Variants in PTPRJ observed in about 807,000 individuals in gnomAD.
PTPRJ encodes protein tyrosine phosphatase receptor type J.
Under a neutral mutation model 141.3 loss-of-function variants are expected in PTPRJ, and 129 were observed. The observed-to-expected ratio is 0.91, with a 90% CI of 0.79 to 1.06. PTPRJ has a LOEUF of 1.06. Among genes scored for constraint, PTPRJ ranks in the 50% least tolerant of loss-of-function variants. The probability of loss-of-function intolerance (pLI) is 0.00; values close to 1 mark genes in which losing one functional copy is unlikely to be tolerated. For synonymous variants in PTPRJ, 610 were observed against 640.5 expected, an observed-to-expected ratio of 0.95 and a Z score of 0.72; for missense variants, 1,601 against 1,679.7, an observed-to-expected ratio of 0.95 and a Z score of 0.82.
chr11:48,102,362 G>A (rs1856170185), intron 1 of PTPRJ, among the ~76,000 whole-genome samples: 1 of 152,156 alleles, frequency 6.6e-6, no homozygotes, highest in African/African-American at 2.4e-5. Context: ...GAGAAAGCCA[G>A]ATGTATTTCT....
intron 1 of PTPRJ, among the ~76,000 whole-genome samples, chr11:48,013,847 A>G (rs1178844751): frequency 2.0e-5 from 3 of 152,076 alleles, no homozygotes; most frequent in African/African-American, 7.2e-5. Context: ...CTGCCCTCCC[A>G]GTGGTGATGA....
intron 19 of PTPRJ, 66 bp from the exon 20 acceptor site, chr11:48,155,735 G>A: frequency 7.5e-7 from 1 of 1,334,230 alleles, no homozygotes; most frequent in Non-Finnish European, 1.0e-6. Flanking sequence ...TTTTTTTTCT[G>A]TTTTGTGTCC....
intron 14 of PTPRJ, among the ~76,000 whole-genome samples, chr11:48,146,380 G>T (rs1295305126): frequency 1.3e-5 from 2 of 152,138 alleles, no homozygotes; most frequent in Non-Finnish European, 2.9e-5. Context: ...TTCTTTCCTA[G>T]TTGGTGGTTG....
chr11:48,120,709 C>T (rs1431970101), intron 3 of PTPRJ, among the ~76,000 whole-genome samples: 2 of 152,064 alleles, frequency 1.3e-5, no homozygotes, highest in Non-Finnish European at 2.9e-5. Flanking sequence ...AAAGTTTGGT[C>T]TCTTTTTGTA....
At position 48,163,624 on chromosome 11, in the gene PTPRJ, C is replaced by T; in HGVS notation, c.3719+6C>T. 1 of 1,609,730 alleles carries T rather than the reference C, an allele frequency of 6.2e-7. No individual in the cohort carries two copies. Among genetic ancestry groups the T allele is most frequent in the Non-Finnish European group, 8.5e-7 (1 of 1,176,000 alleles). On this transcript the variant is annotated splice_donor_region_variant and intron_variant, in intron 23 of 24. Coordinates refer to ENST00000418331, the MANE Select transcript of PTPRJ (RefSeq NM_002843.4). ...CCGATTCTGGTGCATTGCAGGTACG[C>T]AGATGGCACGTCACGTGTGACAGAT... is the stretch of plus-strand genomic sequence containing the variant.
intron 1 of PTPRJ, among the ~76,000 whole-genome samples, chr11:47,997,916 G>A (rs1179152693): frequency 2.6e-5 from 4 of 152,192 alleles, no homozygotes; most frequent in Non-Finnish European, 2.9e-5. Context: ...CCTTCCAGCC[G>A]GTGACATTGA....
rs1454957101 is a variant in PTPRJ, at chr11:48,145,092, A to G, written c.2879A>G (p.Tyr960Cys). ...GAGAGCTATGTGTCCTTCAGTCGCT[A>G]CTCAGATGCTGTTTCCTTGCCCCAG... ...GAESYVSFSR[Y>C]SDAVSLPQDP... Residue 960 changes from tyrosine to cysteine, a missense_variant, in exon 14 of 25, where the codon TAC becomes TGC. Transcript: ENST00000418331. The G allele has an allele frequency of 6.2e-7, 1 of 1,613,988 alleles. No individual in the cohort carries two copies. Among genetic ancestry groups the G allele is most frequent in the Non-Finnish European group, 8.5e-7 (1 of 1,180,018 alleles).
chr11:48,010,230 TA>T (rs1854746368), intron 1 of PTPRJ, among the ~76,000 whole-genome samples: 1 of 152,006 alleles, frequency 6.6e-6, no homozygotes, highest in Non-Finnish European at 1.5e-5. Flanking sequence ...CAGGCTGGAG[TA>T]GAGTGGCGTT....
intron 1 of PTPRJ, among the ~76,000 whole-genome samples, chr11:48,028,405 G>A (rs542974274): frequency 7.3e-4 from 111 of 152,292 alleles, no homozygotes; most frequent in Admixed American, 2.8e-3. Flanking sequence ...GCTTAGATTT[G>A]TTTTAAAACC....
chr11:48,042,848 G>A (rs186281140), intron 1 of PTPRJ, among the ~76,000 whole-genome samples: 48 of 151,966 alleles, frequency 3.2e-4, no homozygotes, highest in Non-Finnish European at 5.9e-4. Flanking sequence ...TGGGAAGGAA[G>A]AATGATTGAT....
chr11:48,137,246 A>C lies in PTPRJ; in HGVS notation c.2117A>C (p.Lys706Thr). The C allele has an allele frequency of 6.2e-7, 1 of 1,614,188 alleles. No homozygotes were observed. The highest frequency in any genetic ancestry group is 8.5e-7 in the Non-Finnish European group (1 of 1,180,024). ...EIFAQVGDGIKSLEPGRKSFC... is the reference protein window; with the variant it reads ...EIFAQVGDGITSLEPGRKSFC... ...TTTGCACAAGTAGGGGATGGGATCA[A>C]GTCACTGGAACCTGGCCGGAAGTCA... Residue 706 changes from lysine to threonine, a missense_variant, in exon 10 of 25, where the codon AAG becomes ACG. Physicochemically the swap from Lys to Thr is moderately conservative, Grantham distance 78 (BLOSUM62 -1). Transcript: ENST00000418331.
chr11:48,009,469 G>A (rs1163600369), intron 1 of PTPRJ, among the ~76,000 whole-genome samples: 1 of 152,124 alleles, frequency 6.6e-6, no homozygotes. Context: ...GGTGGCTCAT[G>A]CCTGTAATCC....
intron 1 of PTPRJ, among the ~76,000 whole-genome samples, chr11:48,072,741 G>C (rs374759266): frequency 6.6e-6 from 1 of 152,148 alleles, no homozygotes; most frequent in Non-Finnish European, 1.5e-5. Context: ...GTTTCTGAAT[G>C]TGTTGATATA....
chr11:48,080,944 G>C (rs1314398239), intron 1 of PTPRJ, among the ~76,000 whole-genome samples: 2 of 152,222 alleles, frequency 1.3e-5, no homozygotes, highest in Non-Finnish European at 2.9e-5. Context: ...ATAAAAGAAT[G>C]AATGAATACA....
At chr11:48,113,128 A>G in intron 3 of PTPRJ, 145 bp downstream of exon 3, 1 of 626,324 alleles carries the variant, frequency 1.6e-6, no homozygotes, top group African/African-American at 1.8e-5. Flanking sequence ...ATGCATATTC[A>G]TTATATAAAA....
In PTPRJ at chr11:48,168,582, A is replaced by ATATATATATATG. The variant is rs1351743334; in HGVS notation, c.*1220_*1221insTATATATATATG. The stretch of plus-strand genomic sequence containing the variant: ...TATATATATATATATATATATATAT[A>ATATATATATATG]CACTAAGCTCTCAAAAACAGTCATT... On this transcript the variant is annotated 3_prime_UTR_variant, in exon 25 of 25. Coordinates refer to ENST00000418331, the MANE Select transcript of PTPRJ (RefSeq NM_002843.4). 13 of 97,826 alleles carry ATATATATATATG rather than the reference A, an allele frequency of 1.3e-4. 2 individuals are homozygous for ATATATATATATG. The highest frequency in any genetic ancestry group is 3.6e-4 in the East Asian group (1 of 2,766). 6.1% of individuals were successfully genotyped at this position (97,826 alleles called of 1,614,324 possible). A position where few individuals can be genotyped will look rare whatever the true frequency, so the allele number is the denominator to read the frequency against.
At chr11:48,011,536 A>G (rs1854788502) in intron 1 of PTPRJ, among the ~76,000 whole-genome samples, 1 of 152,222 alleles carries the variant, frequency 6.6e-6, no homozygotes, top group Non-Finnish European at 1.5e-5. Flanking sequence ...TTAATAAGGC[A>G]GTAGAGAGTT....
intron 4 of PTPRJ, among the ~76,000 whole-genome samples, chr11:48,122,134 G>T (rs544155317): frequency 6.6e-6 from 1 of 152,278 alleles, no homozygotes; most frequent in South Asian, 2.1e-4. Flanking sequence ...AAAGAAATGG[G>T]AGTCACGGGC....
At chr11:48,056,357 C>T (rs1047564809) in intron 1 of PTPRJ, among the ~76,000 whole-genome samples, 9 of 152,210 alleles carry the variant, frequency 5.9e-5, no homozygotes, top group Non-Finnish European at 1.3e-4. Context: ...ACCTCACTCT[C>T]TGAGCGTCAG....
Sources: gnomAD v4.1 joint callset for allele counts (sites outside exome capture counted in the v4.1 genomes callset) on GRCh38, gnomAD v4.1.1 for gene constraint, MANE v1.5 for transcripts, NCBI Gene and HGNC (gene_info 2026-07-23, HGNC 2026-07-21) for gene names.